The following OSBPL6 variants were observed in gnomAD, a reference collection of about 807,000 sequenced individuals.
OSBPL6 encodes oxysterol-binding protein-related protein 6.
OSBPL6 carries 49 observed loss-of-function variants against 125.8 expected under a neutral mutation model. The observed-to-expected ratio is 0.39, with a 90% confidence interval of 0.31 to 0.49. OSBPL6 has a LOEUF of 0.49. Among genes scored for constraint, OSBPL6 ranks in the 20% least tolerant of loss-of-function variants. The probability of loss-of-function intolerance (pLI) is 0.88; values close to 1 mark genes in which losing one functional copy is unlikely to be tolerated. For missense variants in OSBPL6, 986 were observed against 1,135.4 expected (o/e 0.87, Z 1.89); for synonymous variants, 394 against 391.8 (o/e 1.01, Z -0.07).
chr2:178,300,473 G>A (rs1445880033), intron 2 of OSBPL6, among the ~76,000 whole-genome samples: 2 of 152,344 alleles, frequency 1.3e-5, no homozygotes, highest in Non-Finnish European at 2.9e-5. Flanking sequence ...TACAGCGGGG[G>A]CAGCGGGGAC....
intron 1 of OSBPL6, among the ~76,000 whole-genome samples, chr2:178,195,484 G>T (rs888621425): frequency 1.3e-5 from 2 of 152,258 alleles, no homozygotes; most frequent in Non-Finnish European, 2.9e-5. Context: ...GACACAAGCG[G>T]ATTTTCTCCC....
rs755661938 is a variant in OSBPL6 at position 178,372,126 on chromosome 2, G to A, written c.1288G>A (p.Ala430Thr). The A allele has an allele frequency of 6.8e-6, 11 of 1,607,152 alleles. No individual in the cohort carries two copies. Among genetic ancestry groups the A allele is most frequent in the African/African-American group, 1.3e-5 (1 of 74,654 alleles). Reference sequence around the variant, plus strand: ...CATATGTGGTTTTTGTTATTTTAAGGCACTCAACCAGAATGCTGAACTAAG... The same window carrying A: ...CATATGTGGTTTTTGTTATTTTAAGACACTCAACCAGAATGCTGAACTAAG... ...MARLRQSLSQ[A>T]LNQNAELRSR... The change falls in exon 14 of 25, where the codon GCA becomes ACA. Residue 430 changes from alanine (A) to threonine (T), a missense_variant and splice_region_variant. This residue lies in a region of OSBPL6 where 843 missense variants were observed against 997.3 expected (regional missense o/e 0.85). Coordinates refer to ENST00000190611, the MANE Select transcript of OSBPL6 (RefSeq NM_032523.4).
At chr2:178,258,798 C>A (rs1399450737) in intron 1 of OSBPL6, among the ~76,000 whole-genome samples, 1 of 150,830 alleles carries the variant, frequency 6.6e-6, no homozygotes, top group Non-Finnish European at 1.5e-5. Context: ...TTTGCTTGTT[C>A]TTGAACTTCT....
At chr2:178,325,679 A>G (rs530476319) in intron 4 of OSBPL6, among the ~76,000 whole-genome samples, 43 of 152,358 alleles carry the variant, frequency 2.8e-4, no homozygotes, top group African/African-American at 9.9e-4. Flanking sequence ...GGATTAGAAC[A>G]TGTATTATCT....
chr2:178,204,334 C>A (rs34556844), intron 1 of OSBPL6, among the ~76,000 whole-genome samples: 5 of 152,262 alleles, frequency 3.3e-5, no homozygotes, highest in African/African-American at 7.2e-5. Context: ...TCACTGAATT[C>A]TTGATGGGAA....
chr2:178,360,325 G>T (rs979736177), intron 12 of OSBPL6, among the ~76,000 whole-genome samples: 4 of 152,112 alleles, frequency 2.6e-5, no homozygotes, highest in Non-Finnish European at 5.9e-5. Flanking sequence ...GTTATATTCA[G>T]GACTTTTGCT....
intron 1 of OSBPL6, among the ~76,000 whole-genome samples, chr2:178,246,368 G>A (rs900739714): frequency 1.3e-5 from 2 of 152,014 alleles, no homozygotes; most frequent in African/African-American, 4.8e-5. Context: ...GTGGCTCTGG[G>A]CACCTTCTCC....
chr2:178,320,428 G>T (rs752606378), intron 3 of OSBPL6: 1 of 1,602,236 alleles, frequency 6.2e-7, no homozygotes, highest in Non-Finnish European at 8.5e-7. Context: ...TTCTCTGTGT[G>T]TTCTAAGTTC....
At chr2:178,244,689 G>C (rs1372897068) in intron 1 of OSBPL6, among the ~76,000 whole-genome samples, 1 of 152,194 alleles carries the variant, frequency 6.6e-6, no homozygotes, top group Non-Finnish European at 1.5e-5. Flanking sequence ...TGCAGAGGGA[G>C]ACTACTGCTT....
At position 178,398,855 on chromosome 2, in the gene OSBPL6, GA is replaced by G. The variant is rs2154122577; in HGVS notation, c.*3300del. 6.6e-6 allele frequency: 1 copy of G among 152,260 alleles called. No individual in the cohort carries two copies. Among genetic ancestry groups the G allele is most frequent in the South Asian group, 2.1e-4 (1 of 4,812 alleles). The allele number at this position is 152,260 out of a possible 1,614,324, so 9.4% of individuals were successfully genotyped here. On this transcript the variant is annotated 3_prime_UTR_variant, in exon 25 of 25. Transcript: ENST00000190611. ...TGGCTTGGGGGCTGGATTTAGGGAGGAAAACCTGATTAAACTGTTTTGCTTA... is the reference window on the plus strand; with the variant it reads ...TGGCTTGGGGGCTGGATTTAGGGAGGAAACCTGATTAAACTGTTTTGCTTA...
At chr2:178,327,794 C>G (rs1688826858) in intron 4 of OSBPL6, among the ~76,000 whole-genome samples, 1 of 151,974 alleles carries the variant, frequency 6.6e-6, no homozygotes, top group African/African-American at 2.4e-5. Flanking sequence ...CGCTGTTATT[C>G]CCTGTTAATA....
intron 1 of OSBPL6, among the ~76,000 whole-genome samples, chr2:178,202,682 C>T (rs1455991930): frequency 6.6e-6 from 1 of 151,842 alleles, no homozygotes; most frequent in African/African-American, 2.4e-5. Context: ...ATTGGCCGGG[C>T]GTGGTGGTGG....
At chr2:178,246,333 C>T (rs1208243862) in intron 1 of OSBPL6, among the ~76,000 whole-genome samples, 1 of 152,196 alleles carries the variant, frequency 6.6e-6, no homozygotes, top group African/African-American at 2.4e-5. Flanking sequence ...ATGGACCAGC[C>T]ACCATTTCCT....
At chr2:178,290,806 T>G (rs950480856) in intron 2 of OSBPL6, among the ~76,000 whole-genome samples, 2 of 152,130 alleles carry the variant, frequency 1.3e-5, no homozygotes, top group African/African-American at 4.8e-5. Context: ...TGTCAGTGTT[T>G]CCATGCCTTT....
At chr2:178,195,446 A>T (rs1453637969) in intron 1 of OSBPL6, among the ~76,000 whole-genome samples, 3 of 152,222 alleles carry the variant, frequency 2.0e-5, no homozygotes, top group Non-Finnish European at 2.9e-5. Flanking sequence ...GGAATGGGAG[A>T]CCTGAGGAGA....
intron 13 of OSBPL6, among the ~76,000 whole-genome samples, chr2:178,369,716 A>G (rs1322824422): frequency 6.6e-6 from 1 of 152,322 alleles, no homozygotes; most frequent in Non-Finnish European, 1.5e-5. Flanking sequence ...ACCTGTAGGC[A>G]TGATCACATT....
At chr2:178,253,731 T>C (rs2091778714) in intron 1 of OSBPL6, among the ~76,000 whole-genome samples, 1 of 152,192 alleles carries the variant, frequency 6.6e-6, no homozygotes, top group African/African-American at 2.4e-5. Flanking sequence ...GTAGTGGAGT[T>C]GGGAGTTTGA....
At chr2:178,305,589 C>G (rs1686686808) in intron 2 of OSBPL6, among the ~76,000 whole-genome samples, 1 of 152,196 alleles carries the variant, frequency 6.6e-6, no homozygotes, top group Non-Finnish European at 1.5e-5. Context: ...TGTGTTAACT[C>G]TTTTGTAACT....
intron 3 of OSBPL6, 102 bp from the exon 4 acceptor site, chr2:178,324,073 CAT>C: frequency 1.5e-6 from 1 of 672,374 alleles, no homozygotes; most frequent in Non-Finnish European, 2.3e-6. Context: ...CCATTTTTAA[CAT>C]AGCTCACTGT....
Sources: allele counts gnomAD v4.1 joint callset (sites outside exome capture counted in the v4.1 genomes callset), GRCh38; gene constraint gnomAD v4.1.1; regional missense constraint gnomAD v4.1.1; transcripts MANE v1.5; gene names NCBI Gene and HGNC (gene_info 2026-07-23, HGNC 2026-07-21).